ADAMTS3: variants seen among roughly 807,000 people sequenced by gnomAD.
ADAMTS3 encodes the protein A disintegrin and metalloproteinase with thrombospondin motifs 3.
A neutral mutation model predicts 129.0 loss-of-function variants in ADAMTS3; 73 were observed. That is an observed-to-expected ratio of 0.57 (90% CI 0.47 to 0.69). The LOEUF is 0.69. Among genes scored for constraint, ADAMTS3 ranks in the 30% least tolerant of loss-of-function variants. The pLI, the probability that ADAMTS3 is intolerant of heterozygous loss-of-function variation, is 0.00. For missense variants in ADAMTS3, 1,457 were observed against 1,514.5 expected, an observed-to-expected ratio of 0.96 and a Z score of 0.63; for synonymous variants, 477 against 510.8, an observed-to-expected ratio of 0.93 and a Z score of 0.89.
chr4:72,378,427 C>G (rs1578628218), intron 4 of ADAMTS3, among the ~76,000 whole-genome samples: 1 of 152,134 alleles, frequency 6.6e-6, no homozygotes, highest in East Asian at 1.9e-4. Context: ...CTATTTATAT[C>G]AATGACTATT....
chr4:72,564,470 T>C (rs1410870606), intron 2 of ADAMTS3, among the ~76,000 whole-genome samples: 3 of 152,078 alleles, frequency 2.0e-5, no homozygotes, highest in African/African-American at 7.2e-5. Context: ...AATGATCTCA[T>C]GAAACATACT....
At chr4:72,324,086 A>G (rs1719635775) in intron 5 of ADAMTS3, among the ~76,000 whole-genome samples, 2 of 152,212 alleles carry the variant, frequency 1.3e-5, no homozygotes, top group South Asian at 4.1e-4. Flanking sequence ...CTTGTTAAAA[A>G]GACTAAAAGA....
At position 72,562,240 on chromosome 4, in the gene ADAMTS3, G is replaced by A. The variant is rs80315303; in HGVS notation, c.97+5134C>T. ...AAAAGAAGAAAGAAATAATTCTAAA[G>A]TGAAATTTTAAAAATCAATACTTTC... On this transcript the variant is annotated intron_variant, in intron 2 of 21. Coordinates refer to ENST00000286657, the MANE Select transcript of ADAMTS3 (RefSeq NM_014243.3). 2.9e-3 allele frequency among the ~76,000 whole-genome samples: 444 copies of A among 152,230 alleles called. 1 individual carries two copies. Among genetic ancestry groups the A allele is most frequent in the African/African-American group, 0.01 (423 of 41,542 alleles).
At chr4:72,331,233 A>G (rs189933838) in intron 5 of ADAMTS3, among the ~76,000 whole-genome samples, 1 of 152,256 alleles carries the variant, frequency 6.6e-6, no homozygotes, top group African/African-American at 2.4e-5. Flanking sequence ...GAAGGTGAGT[A>G]TGTTTTTATA....
chr4:72,519,818 G>A (rs989297958), intron 3 of ADAMTS3, among the ~76,000 whole-genome samples: 2 of 152,204 alleles, frequency 1.3e-5, no homozygotes, highest in Admixed American at 6.5e-5. Context: ...TTGTTCGTCT[G>A]AAGCCTTCTT....
intron 2 of ADAMTS3, among the ~76,000 whole-genome samples, chr4:72,561,081 C>T (rs564680379): frequency 2.0e-5 from 3 of 151,616 alleles, no homozygotes; most frequent in African/African-American, 4.9e-5. Context: ...GGGCCAGGCA[C>T]GGTGGCTAAC....
chr4:72,529,882 AATATATT>A lies in ADAMTS3; in HGVS notation c.504+18589_504+18595del, dbSNP rs1380032562. On this transcript the variant is annotated intron_variant, in intron 3 of 21. Coordinates refer to ENST00000286657, the MANE Select transcript of ADAMTS3 (RefSeq NM_014243.3). ...ATAATATATAATATAAATTATATAT[AATATATT>A]ATATATTATATATAAATAATATATA... 3.2e-3 allele frequency among the ~76,000 whole-genome samples: 233 copies of A among 73,592 alleles called. 2 individuals are homozygous for A. In the Middle Eastern group the frequency reaches 0.033, roughly 10 times the overall value. The allele number at this position is 73,592 out of a possible 152,430, so 48.3% of individuals were successfully genotyped here.
At position 72,455,931 on chromosome 4, in the gene ADAMTS3, T is replaced by TAC. The variant is rs1491513433; in HGVS notation, c.505-40961_505-40960insGT. On this transcript the variant is annotated intron_variant, in intron 3 of 21. Coordinates refer to ENST00000286657, the MANE Select transcript of ADAMTS3 (RefSeq NM_014243.3). ...CACTGTATATATACTATATATATTT[T>TAC]ATATATAGTATATATACAGTATATA... Among the ~76,000 whole-genome samples, 51 of 111,380 alleles carry TAC rather than the reference T, an allele frequency of 4.6e-4. 3 individuals are homozygous for TAC. The South Asian group carries it at 6.2e-3, about 13-fold the overall frequency. The allele number at this position is 111,380 out of a possible 152,430, so 73.1% of individuals were successfully genotyped here. A position where few individuals can be genotyped will look rare whatever the true frequency, so the allele number is the denominator to read the frequency against.
At chr4:72,567,424 G>C in intron 1 of ADAMTS3, 23 bp from the exon 2 acceptor site, 1 of 1,611,640 alleles carries the variant, frequency 6.2e-7, no homozygotes, top group East Asian at 2.2e-5. Flanking sequence ...GGGAAAGCAA[G>C]AAAAAGAAAG....
intron 2 of ADAMTS3, among the ~76,000 whole-genome samples, chr4:72,553,556 G>T (rs943749886): frequency 6.6e-6 from 1 of 152,102 alleles, no homozygotes; most frequent in East Asian, 1.9e-4. Flanking sequence ...ACCTGCTCCT[G>T]CTCTCTGGAA....
intron 2 of ADAMTS3, among the ~76,000 whole-genome samples, chr4:72,557,759 CA>C (rs1218785210): frequency 4.0e-5 from 6 of 151,260 alleles, no homozygotes; most frequent in Non-Finnish European, 7.4e-5. Flanking sequence ...GAAGATATTT[CA>C]AAAAAAGAAA....
chr4:72,531,040 A>G (rs1179292606), intron 3 of ADAMTS3, among the ~76,000 whole-genome samples: 3 of 151,442 alleles, frequency 2.0e-5, no homozygotes, highest in Non-Finnish European at 4.4e-5. Flanking sequence ...AGAAATGCCA[A>G]TGCAGCTTCT....
At position 72,402,923 on chromosome 4, in the gene ADAMTS3, T is replaced by C. The variant is rs1341015266; in HGVS notation, c.661+11892A>G. Among the ~76,000 whole-genome samples, 5 of 152,202 alleles carry C rather than the reference T, an allele frequency of 3.3e-5. No homozygotes were observed. The Middle Eastern group carries it at 0.01, about 311-fold the overall frequency. On this transcript the variant is annotated intron_variant, in intron 4 of 21. Coordinates refer to ENST00000286657, the MANE Select transcript of ADAMTS3 (RefSeq NM_014243.3). ...AATCAAAATATATTTACGGAAATAG[T>C]TGCTTATACCTAGGTCTTATATTTT...
chr4:72,548,043 AG>A (rs1329388180), intron 3 of ADAMTS3, among the ~76,000 whole-genome samples: 1 of 152,206 alleles, frequency 6.6e-6, no homozygotes. Context: ...GAATTCTGTG[AG>A]GAAGCTAAAG....
At chr4:72,538,891 G>A (rs1721247305) in intron 3 of ADAMTS3, among the ~76,000 whole-genome samples, 1 of 152,094 alleles carries the variant, frequency 6.6e-6, no homozygotes, top group Non-Finnish European at 1.5e-5. Context: ...TCAGAAAGGG[G>A]TGCCAAGACC....
intron 3 of ADAMTS3, among the ~76,000 whole-genome samples, chr4:72,478,773 T>C (rs983599037): frequency 6.6e-6 from 1 of 152,138 alleles, no homozygotes; most frequent in African/African-American, 2.4e-5. Flanking sequence ...GCAGTTGACA[T>C]GATTCTATAT....
rs893406163 is a variant in ADAMTS3, at chr4:72,309,233, C to CT, written c.2179+163dup. Among the ~76,000 whole-genome samples the CT allele has an allele frequency of 5.5e-4, 77 of 140,686 alleles. 1 individual carries two copies. The highest frequency in any genetic ancestry group is 3.7e-3 in the Middle Eastern group (1 of 270). 92.3% of individuals were successfully genotyped at this position (140,686 alleles called of 152,430 possible). On this transcript the variant is annotated intron_variant, in intron 15 of 21. Coordinates refer to ENST00000286657, the MANE Select transcript of ADAMTS3 (RefSeq NM_014243.3). ...AGTATGAATTCATTCAAAGTGATTTCTTTTTTTTTTTTAAGTTCCTTAAAA... is the reference window on the plus strand; with the variant it reads ...AGTATGAATTCATTCAAAGTGATTTCTTTTTTTTTTTTTAAGTTCCTTAAAA...
intron 4 of ADAMTS3, among the ~76,000 whole-genome samples, chr4:72,409,569 A>G (rs527523890): frequency 6.6e-6 from 1 of 152,208 alleles, no homozygotes; most frequent in Admixed American, 6.5e-5. Flanking sequence ...ATTGGAAAAA[A>G]AAATATAGAG....
At chr4:72,333,795 AAAG>A (rs1379605010) in intron 5 of ADAMTS3, among the ~76,000 whole-genome samples, 5 of 151,642 alleles carry the variant, frequency 3.3e-5, no homozygotes, top group East Asian at 1.9e-4. Context: ...TCAATTCCTG[AAAG>A]AAGGTTTTCT....
Sources: allele counts gnomAD v4.1 joint callset (sites outside exome capture counted in the v4.1 genomes callset), GRCh38; gene constraint gnomAD v4.1.1; transcripts MANE v1.5; gene names NCBI Gene and HGNC (gene_info 2026-07-23, HGNC 2026-07-21).